The following MORN1 variants were observed in gnomAD, a reference collection of about 807,000 sequenced individuals.
MORN1 encodes MORN repeat-containing protein 1.
Under a neutral mutation model 61.9 loss-of-function variants are expected in MORN1, and 67 were observed. The observed-to-expected ratio is 1.08, with a 90% confidence interval of 0.89 to 1.33. The LOEUF is 1.33. MORN1 is among the 40% of genes most tolerant of loss of function. The probability of loss-of-function intolerance (pLI) is 0.00; values close to 1 mark genes in which losing one functional copy is unlikely to be tolerated. For missense variants in MORN1, 752 were observed against 691.2 expected (o/e 1.09, Z -0.99); for synonymous variants, 301 against 292.0 (o/e 1.03, Z -0.31).
intron 8 of MORN1, among the ~76,000 whole-genome samples, chr1:2,359,963 G>A (rs1569991288): frequency 6.6e-6 from 1 of 152,158 alleles, no homozygotes; most frequent in South Asian, 2.1e-4. Flanking sequence ...GCTTTGGGAC[G>A]GGCTCTCAAG....
At chr1:2,387,769 G>A in intron 3 of MORN1, 1 of 540,338 alleles carries the variant, frequency 1.9e-6, no homozygotes, top group Non-Finnish European at 3.3e-6. Flanking sequence ...TCTATCCCGA[G>A]GGCAAAGGAC....
rs1258280886 is a variant in MORN1 at position 2,372,825 on chromosome 1, C to T, written c.635-234G>A. On this transcript the variant is annotated intron_variant, in intron 7 of 13. Transcript: ENST00000378531. This position sits in a 1 kb window ranked among gnomAD's most constrained non-coding sequence, Gnocchi z 5.4. ...CTGCTGGCCTGGAGCACTGTGGAATCGAACCAAGTGGACCACCGGGGCCAC... is the reference window on the plus strand; with the variant it reads ...CTGCTGGCCTGGAGCACTGTGGAATTGAACCAAGTGGACCACCGGGGCCAC... 6.6e-6 allele frequency among the ~76,000 whole-genome samples: 1 copy of T among 152,234 alleles called. No individual in the cohort carries two copies. Among genetic ancestry groups the T allele is most frequent in the African/African-American group, 2.4e-5 (1 of 41,460 alleles).
chr1:2,388,448 G>A, intron 2 of MORN1, 111 bp from the exon 3 acceptor site: 1 of 806,510 alleles, frequency 1.2e-6, no homozygotes, highest in Non-Finnish European at 2.1e-6. Context: ...TTCAAAACTT[G>A]TGTTTGGCTC....
intron 13 of MORN1, chr1:2,323,246 C>T (rs998208555): frequency 2.1e-4 from 202 of 985,272 alleles, no homozygotes; most frequent in Admixed American, 2.5e-4. Flanking sequence ...GCTACAGCCC[C>T]GGCCACACGG....
rs750927829 is a variant in MORN1, at chr1:2,336,725, G to A, written c.1162C>T (p.Leu388Phe). The A allele has an allele frequency of 1.9e-5, 30 of 1,569,816 alleles. No individual in the cohort carries two copies. The highest frequency in any genetic ancestry group is 2.7e-5 in the African/African-American group (2 of 73,858). The change falls in exon 11 of 14, where the codon CTC (leucine) becomes TTC (phenylalanine). Residue 388 changes from leucine (L) to phenylalanine (F), a missense_variant. By Grantham distance (22) the Leu-to-Phe change is conservative (BLOSUM62 0). Transcript: ENST00000378531. Reference sequence around the variant, plus strand: ...CCCCCGTGGGCACCCACCTTGTGGAGGCTGTCCAGGAACAGGAAGGGGTGG... The same window carrying A: ...CCCCCGTGGGCACCCACCTTGTGGAAGCTGTCCAGGAACAGGAAGGGGTGG... Reference protein sequence around the residue: ...GYHPFLFLDSLHKKAGGRSRG... With the variant: ...GYHPFLFLDSFHKKAGGRSRG...
In MORN1 at chr1:2,324,160, G is replaced by C. The variant is rs1160790139; in HGVS notation, c.1251-17C>G. 6.3e-7 allele frequency: 1 copy of C among 1,592,220 alleles called. No homozygotes were observed. The highest frequency in any genetic ancestry group is 8.5e-7 in the Non-Finnish European group (1 of 1,170,598). On this transcript the variant is annotated splice_polypyrimidine_tract_variant and intron_variant, in intron 12 of 13. Coordinates refer to ENST00000378531, the MANE Select transcript of MORN1 (RefSeq NM_024848.3). ...CCCTCAGGCCTGTGGAGACGACACA[G>C]TGAGGCCCCTGAATGCCCTGCCTGG...
intron 10 of MORN1, chr1:2,352,891 CGT>C (rs909666764): frequency 4.1e-4 from 63 of 153,306 alleles, no homozygotes; most frequent in African/African-American, 1.3e-3. Flanking sequence ...GGCTGGAGGG[CGT>C]GTCACGGTCG....
rs191533663 is a variant in MORN1, at chr1:2,335,813, G to T, written c.1250+656C>A. ...GGGTCCCCAGGGCACATCAGCGGGG[G>T]CCTCCTCGCCTCCATAGCCCAGCCC... On this transcript the variant is annotated intron_variant, in intron 12 of 13. Coordinates refer to ENST00000378531, the MANE Select transcript of MORN1 (RefSeq NM_024848.3). 1.7e-3 allele frequency among the ~76,000 whole-genome samples: 244 copies of T among 141,076 alleles called. 4 individuals carry two copies. In the East Asian group the frequency reaches 0.037, roughly 21 times the overall value. 92.6% of individuals were successfully genotyped at this position (141,076 alleles called of 152,430 possible).
chr1:2,385,173 C>CAAAAAAAAAAA, intron 5 of MORN1, 108 bp from the exon 6 acceptor site: 1 of 1,140,992 alleles, frequency 8.8e-7, no homozygotes, highest in Admixed American at 2.3e-5. Flanking sequence ...GGGACCGAGG[C>CAAAAAAAAAAA]AAAAATAGGC....
chr1:2,389,096 G>A (rs1642578840), intron 2 of MORN1, among the ~76,000 whole-genome samples: 1 of 137,474 alleles, frequency 7.3e-6, no homozygotes, highest in Non-Finnish European at 1.5e-5. Context: ...TGGGCAACAA[G>A]AGCAAAACTC....
At chr1:2,348,137 A>G (rs994314786) in intron 10 of MORN1, among the ~76,000 whole-genome samples, 1 of 152,186 alleles carries the variant, frequency 6.6e-6, no homozygotes, top group Admixed American at 6.5e-5. Context: ...GGTCTGGAAC[A>G]TTCCCGGGCC....
intron 12 of MORN1, among the ~76,000 whole-genome samples, chr1:2,328,650 C>G (rs537629576): frequency 3.9e-5 from 6 of 152,218 alleles, no homozygotes; most frequent in Admixed American, 2.6e-4. Context: ...GGCCCTTGGC[C>G]GCAGATCTGG....
chr1:2,322,417 G>A (rs962474712), intron 13 of MORN1: 1 of 985,384 alleles, frequency 1.0e-6, no homozygotes, highest in South Asian at 4.7e-5. Flanking sequence ...ACGCCGGCCT[G>A]GAAAACAGCG....
chr1:2,325,131 C>T (rs1457560971), intron 12 of MORN1, among the ~76,000 whole-genome samples: 1 of 64,678 alleles, frequency 1.5e-5, no homozygotes, highest in Admixed American at 1.5e-4. Flanking sequence ...CCCTTCCTTC[C>T]TTCCCTCCCT....
intron 10 of MORN1, among the ~76,000 whole-genome samples, chr1:2,340,956 C>T (rs992037786): frequency 2.6e-5 from 4 of 152,250 alleles, no homozygotes; most frequent in Non-Finnish European, 4.4e-5. Flanking sequence ...TAGTGCAGAC[C>T]GTGATACCAG....
At chr1:2,359,376 G>A (rs1011456913) in intron 8 of MORN1, among the ~76,000 whole-genome samples, 2 of 152,206 alleles carry the variant, frequency 1.3e-5, no homozygotes, top group Non-Finnish European at 2.9e-5. Context: ...GGCTGCAGGT[G>A]GCCCCCAGAG....
intron 10 of MORN1, among the ~76,000 whole-genome samples, chr1:2,343,700 G>A (rs917592534): frequency 9.2e-5 from 14 of 152,180 alleles, no homozygotes; most frequent in South Asian, 4.1e-4. Flanking sequence ...GAGGCCTCGC[G>A]GAGCCTTGGA....
At chr1:2,339,983 G>A (rs1001115502) in intron 10 of MORN1, among the ~76,000 whole-genome samples, 4 of 152,262 alleles carry the variant, frequency 2.6e-5, no homozygotes, top group Non-Finnish European at 2.9e-5. Flanking sequence ...TCCGCCGCGC[G>A]GCTTCTCCGT....
intron 10 of MORN1, among the ~76,000 whole-genome samples, chr1:2,341,692 GA>G (rs68071614): frequency 0.41 from 54,190 of 133,444 alleles, 10,399 homozygotes; most frequent in East Asian, 0.51. Context: ...TCCGTCTCAA[GA>G]AAAAAAAAAA....
Sources: allele counts gnomAD v4.1 joint callset (sites outside exome capture counted in the v4.1 genomes callset), GRCh38; gene constraint gnomAD v4.1.1; non-coding constraint Gnocchi (gnomAD v3.1); transcripts MANE v1.5; gene names NCBI Gene and HGNC (gene_info 2026-07-23, HGNC 2026-07-21).